Variants in MLPH observed in about 807,000 individuals in gnomAD.
MLPH encodes exophilin-3.
MLPH carries 51 observed loss-of-function variants against 72.1 expected under a neutral mutation model. That is an observed-to-expected ratio of 0.71 (90% CI 0.56 to 0.89). The LOEUF (loss-of-function observed/expected upper bound fraction) is 0.89. MLPH is among the 40% of genes least tolerant of loss of function. MLPH has a pLI of 0.00. For synonymous variants in MLPH, 301 were observed against 310.1 expected (o/e 0.97, Z 0.31); for missense variants, 743 against 759.9 (o/e 0.98, Z 0.26).
chr2:237,488,671 G>A lies in MLPH; in HGVS notation c.-25+1234G>A, dbSNP rs116681488. ...ATTTAGAGAACATGGGATGGTGCCC[G>A]GCACACACATGGGGAGTCAGTGGGT... On this transcript the variant is annotated intron_variant, in intron 1 of 15. Transcript: ENST00000264605. Among the ~76,000 whole-genome samples the A allele has an allele frequency of 7.4e-4, 112 of 152,264 alleles. 1 individual carries two copies. The highest frequency in any genetic ancestry group is 9.6e-4 in the Non-Finnish European group (65 of 68,016).
chr2:237,510,857 A>G lies in MLPH; in HGVS notation c.332+62A>G, dbSNP rs949755376. 3.1e-6 allele frequency: 5 copies of G among 1,591,428 alleles called. No individual in the cohort carries two copies. The Admixed American group carries it at 6.7e-5, about 21-fold the overall frequency. On this transcript the variant is annotated intron_variant, in intron 3 of 15. Coordinates refer to ENST00000264605, the MANE Select transcript of MLPH (RefSeq NM_024101.7). The surrounding 1 kb of genome is among the most constrained non-coding windows in gnomAD (Gnocchi z 4.4). ...TTTCTGGATCTGGCGTGTCCCTTCCATGGGGCTAGCTGAAGAAGGGTGGAC... is the reference window on the plus strand; with the variant it reads ...TTTCTGGATCTGGCGTGTCCCTTCCGTGGGGCTAGCTGAAGAAGGGTGGAC...
At chr2:237,503,090 G>T (rs1405059727) in intron 2 of MLPH, among the ~76,000 whole-genome samples, 1 of 152,184 alleles carries the variant, frequency 6.6e-6, no homozygotes, top group East Asian at 1.9e-4. Context: ...CTTCAGTCCA[G>T]CCTGGGCAGC....
chr2:237,519,925 T>G lies in MLPH; in HGVS notation c.571T>G (p.Ser191Ala). Reference sequence around the variant, plus strand: ...GCCTGCTAAGAAAAAGCGCCTCCTCTCCGTCCACGACTTCGACTTCGAGGG... The same window carrying G: ...GCCTGCTAAGAAAAAGCGCCTCCTCGCCGTCCACGACTTCGACTTCGAGGG... Reference protein sequence around the residue: ...PFGSKKKRLLSVHDFDFEGDS... With the variant: ...PFGSKKKRLLAVHDFDFEGDS... Residue 191 changes from serine to alanine, a missense_variant, in exon 6 of 16, where the codon TCC becomes GCC. Transcript: ENST00000264605. The G allele has an allele frequency of 1.2e-6, 2 of 1,613,934 alleles. No individual in the cohort carries two copies. Among genetic ancestry groups the G allele is most frequent in the Non-Finnish European group, 1.7e-6 (2 of 1,180,004 alleles).
At chr2:237,523,319 C>G (rs1160951157) in intron 6 of MLPH, among the ~76,000 whole-genome samples, 1 of 152,136 alleles carries the variant, frequency 6.6e-6, no homozygotes, top group Non-Finnish European at 1.5e-5. Flanking sequence ...GCTAAGGTAA[C>G]AGTAATTGGT....
At chr2:237,534,671 A>G in intron 9 of MLPH, 24 bp downstream of exon 9, 3 of 1,582,588 alleles carry the variant, frequency 1.9e-6, no homozygotes, top group Non-Finnish European at 2.6e-6. Flanking sequence ...CTGGGCAAAG[A>G]GAAAGGGCCC....
At position 237,510,121 on chromosome 2, in the gene MLPH, C is replaced by T. The variant is rs929819483; in HGVS notation, c.111-453C>T. 4.0e-6 allele frequency: 1 copy of T among 250,258 alleles called. No homozygotes were observed. Among genetic ancestry groups the T allele is most frequent in the African/African-American group, 2.3e-5 (1 of 44,440 alleles). The allele number at this position is 250,258 out of a possible 1,614,324, so 15.5% of individuals were successfully genotyped here. A position where few individuals can be genotyped will look rare whatever the true frequency, so the allele number is the denominator to read the frequency against. On this transcript the variant is annotated intron_variant, in intron 2 of 15. Transcript: ENST00000264605. This position sits in a 1 kb window ranked among gnomAD's most constrained non-coding sequence, Gnocchi z 4.4. ...GCTCTGGAAACTCACCGAGCCATTT[C>T]AGCTGCGCTCTAGAGGAGCAAACCT...
In MLPH at chr2:237,546,673, G is replaced by T. The variant is rs1172801101; in HGVS notation, c.1607G>T (p.Ser536Ile). The T allele has an allele frequency of 1.9e-6, 3 of 1,614,096 alleles. No individual in the cohort carries two copies. In the African/African-American group the frequency reaches 4.0e-5, roughly 22 times the overall value. Residue 536 changes from serine to isoleucine, a missense_variant, in exon 13 of 16, where the codon AGT (serine) becomes ATT (isoleucine). Physicochemically the swap from Ser to Ile is moderately radical, Grantham distance 142. Transcript: ENST00000264605. ...RPEDPNADPS[S>I]EAKAMAVPYL... The stretch of plus-strand genomic sequence containing the variant: ...GAGGACCCAAATGCAGACCCTTCAA[G>T]TGAGGCCAAGGTATGTGTTACTCCA...
intron 6 of MLPH, among the ~76,000 whole-genome samples, chr2:237,521,811 G>C (rs113280486): frequency 0.17 from 21,906 of 127,138 alleles, 1,898 homozygotes; most frequent in African/African-American, 0.35. Flanking sequence ...CTGGAGCGGA[G>C]CAGGGCTGAG....
At position 237,512,159 on chromosome 2, in the gene MLPH, G is replaced by A. The variant is rs1371114887; in HGVS notation, c.445+1058G>A. 2.6e-5 allele frequency among the ~76,000 whole-genome samples: 4 copies of A among 152,224 alleles called. No individual in the cohort carries two copies. The highest frequency in any genetic ancestry group is 3.2e-3 in the Middle Eastern group (1 of 316). On this transcript the variant is annotated intron_variant, in intron 4 of 15. Coordinates refer to ENST00000264605, the MANE Select transcript of MLPH (RefSeq NM_024101.7). The surrounding 1 kb of genome is among the most constrained non-coding windows in gnomAD (Gnocchi z 5.5). ...AGAGGCTGTGCTTCTGGATTGGGGC[G>A]TCCTCACCATGCCCCAGCCCAGGCG...
intron 1 of MLPH, 24 bp from the exon 2 acceptor site, chr2:237,493,379 A>C (rs1358403240): frequency 3.4e-6 from 5 of 1,475,090 alleles, no homozygotes; most frequent in Middle Eastern, 1.7e-4. Context: ...GGGACTGATG[A>C]CTTGTGATCC....
intron 2 of MLPH, among the ~76,000 whole-genome samples, chr2:237,507,094 C>T (rs1574845569): frequency 1.0e-5 from 1 of 98,818 alleles, no homozygotes; most frequent in Non-Finnish European, 1.8e-5. Flanking sequence ...GAGACAAAGT[C>T]TCTCTCTGCC....
At chr2:237,524,509 C>T (rs2080260365) in intron 6 of MLPH, among the ~76,000 whole-genome samples, 1 of 151,934 alleles carries the variant, frequency 6.6e-6, no homozygotes, top group Non-Finnish European at 1.5e-5. Flanking sequence ...CTTGTCGCTT[C>T]ACGTTTTTCT....
At chr2:237,511,200 G>A in intron 4 of MLPH, 99 bp downstream of exon 4, 1 of 871,298 alleles carries the variant, frequency 1.1e-6, no homozygotes, top group Non-Finnish European at 2.0e-6. Flanking sequence ...GTACGTGTGT[G>A]TGTGCATGTG....
intron 15 of MLPH, chr2:237,553,141 C>T (rs1248023577): frequency 2.1e-6 from 1 of 473,874 alleles, no homozygotes; most frequent in Non-Finnish European, 4.4e-6. Flanking sequence ...CAGGAGGCAA[C>T]CAATCAGAGG....
In MLPH at chr2:237,554,045, C is replaced by T. The variant is rs567222990; in HGVS notation, c.*453C>T. 1.0e-4 allele frequency: 32 copies of T among 305,324 alleles called. No homozygotes were observed. Among genetic ancestry groups the T allele is most frequent in the African/African-American group, 5.4e-4 (25 of 46,404 alleles). The allele number at this position is 305,324 out of a possible 1,614,324, so 18.9% of individuals were successfully genotyped here. On this transcript the variant is annotated 3_prime_UTR_variant, in exon 16 of 16. Transcript: ENST00000264605. The stretch of plus-strand genomic sequence containing the variant: ...ATATCGGGGTGTGAGCAGATGTTTG[C>T]GTATTTCTTGTGGGTGTGACTGGAT...
At chr2:237,549,975 A>G (rs747330512) in intron 14 of MLPH, among the ~76,000 whole-genome samples, 2 of 152,238 alleles carry the variant, frequency 1.3e-5, no homozygotes, top group Non-Finnish European at 2.9e-5. Flanking sequence ...TGCCTGCAGA[A>G]TGAAGTGGGA....
At chr2:237,531,559 C>G (rs1232175795) in intron 8 of MLPH, among the ~76,000 whole-genome samples, 1 of 152,218 alleles carries the variant, frequency 6.6e-6, no homozygotes, top group Non-Finnish European at 1.5e-5. Context: ...TCCAGCCCCA[C>G]TGAAACCAAT....
chr2:237,535,534 G>A (rs1317240472), intron 9 of MLPH, among the ~76,000 whole-genome samples: 1 of 152,112 alleles, frequency 6.6e-6, no homozygotes, highest in Non-Finnish European at 1.5e-5. Flanking sequence ...CAGGCAGACA[G>A]ACAGCCGGGG....
At position 237,540,493 on chromosome 2, in the gene MLPH, G is replaced by A. The variant is rs750368749; in HGVS notation, c.1250G>A (p.Arg417Lys). The A allele has an allele frequency of 2.5e-6, 4 of 1,612,858 alleles. No homozygotes were observed. In the Admixed American group the frequency reaches 5.0e-5, roughly 20 times the overall value. ...EAKDEKAEPNRDKSVGPLPQA... is the reference protein window; with the variant it reads ...EAKDEKAEPNKDKSVGPLPQA... ...AAGGACGAAAAGGCAGAGCCCAACA[G>A]GGACAAATCAGTTGGGCCTCTCCCC... The change falls in exon 10 of 16, where the codon AGG becomes AAG. Residue 417 changes from arginine to lysine, a missense_variant. By Grantham distance (26) the Arg-to-Lys change is conservative. Coordinates refer to ENST00000264605, the MANE Select transcript of MLPH (RefSeq NM_024101.7).
Sources: allele counts gnomAD v4.1 joint callset (sites outside exome capture counted in the v4.1 genomes callset), GRCh38; gene constraint gnomAD v4.1.1; non-coding constraint Gnocchi (gnomAD v3.1); transcripts MANE v1.5; gene names NCBI Gene and HGNC (gene_info 2026-07-23, HGNC 2026-07-21).